The following LRRC31 variants were observed in gnomAD, a reference collection of about 807,000 sequenced individuals.
LRRC31 encodes the protein leucine rich repeat containing 31.
A neutral mutation model predicts 46.7 loss-of-function variants in LRRC31; 35 were observed. That is an observed-to-expected ratio of 0.75 (90% confidence interval 0.57 to 0.99). The LOEUF is 0.99. Among genes scored for constraint, LRRC31 ranks in the 50% least tolerant of loss-of-function variants. The pLI is 0.00. For missense variants in LRRC31, 613 were observed against 626.1 expected, an observed-to-expected ratio of 0.98 and a Z score of 0.22; for synonymous variants, 236 against 235.1, an observed-to-expected ratio of 1.00 and a Z score of -0.03.
At chr3:169,849,016 T>G (rs1780682949) in intron 7 of LRRC31, among the ~76,000 whole-genome samples, 1 of 152,252 alleles carries the variant, frequency 6.6e-6, no homozygotes, top group South Asian at 2.1e-4. Context: ...TTGTATTTAC[T>G]TCACGCAATT....
chr3:169,848,392 G>C, intron 7 of LRRC31, 105 bp from the exon 8 acceptor site: 4 of 998,932 alleles, frequency 4.0e-6, no homozygotes, highest in Non-Finnish European at 4.3e-6. Context: ...ATATAACTGG[G>C]GTTGAGAAAG....
chr3:169,860,122 C>A (rs1449575147), intron 3 of LRRC31, among the ~76,000 whole-genome samples: 1 of 151,600 alleles, frequency 6.6e-6, no homozygotes, highest in Non-Finnish European at 1.5e-5. Flanking sequence ...CCAGCCTGGG[C>A]AACAGAGTGA....
intron 7 of LRRC31, among the ~76,000 whole-genome samples, chr3:169,848,560 G>T (rs964052157): frequency 6.6e-6 from 1 of 152,136 alleles, no homozygotes; most frequent in African/African-American, 2.4e-5. Context: ...GGGTTCAAGT[G>T]ATTCCCCTGC....
chr3:169,856,768 T>A lies in LRRC31; in HGVS notation c.592A>T (p.Ser198Cys). Reference sequence around the variant, plus strand: ...ACAAGCTCAATCATTTGTATCTTGCTCCCTTTTTGGAACTTCTGAAGGATC... The same window carrying A: ...ACAAGCTCAATCATTTGTATCTTGCACCCTTTTTGGAACTTCTGAAGGATC... ...PLILQKFQKG[S>C]KIQMIELVDC... Residue 198 changes from serine to cysteine, a missense_variant, in exon 4 of 9, where the codon AGC (serine) becomes TGC (cysteine). Ser to Cys is a moderately radical substitution (Grantham distance 112). Transcript: ENST00000316428. The A allele has an allele frequency of 1.9e-6, 3 of 1,609,978 alleles. No individual in the cohort carries two copies. The highest frequency in any genetic ancestry group is 2.2e-5 in the South Asian group (2 of 90,122).
intron 1 of LRRC31, among the ~76,000 whole-genome samples, chr3:169,862,453 T>A (rs1377539419): frequency 1.3e-5 from 2 of 152,174 alleles, no homozygotes; most frequent in Non-Finnish European, 2.9e-5. Flanking sequence ...TAGCTTCCTC[T>A]GTAATAACAC....
chr3:169,861,325 C>T (rs1781145501), intron 2 of LRRC31, among the ~76,000 whole-genome samples: 1 of 151,366 alleles, frequency 6.6e-6, no homozygotes, highest in Non-Finnish European at 1.5e-5. Context: ...CCTCGGCCTC[C>T]CAAAGTGCTG....
chr3:169,841,232 C>T (rs963489789), intron 8 of LRRC31, among the ~76,000 whole-genome samples: 1 of 152,226 alleles, frequency 6.6e-6, no homozygotes, highest in Admixed American at 6.5e-5. Context: ...GTGTCTTTCA[C>T]CCAGTGCCCC....
At chr3:169,850,157 T>A (rs1005085315) in intron 7 of LRRC31, among the ~76,000 whole-genome samples, 5 of 152,202 alleles carry the variant, frequency 3.3e-5, no homozygotes, top group African/African-American at 4.8e-5. Context: ...AATAAATGCA[T>A]TAAATTCATA....
chr3:169,857,445 CAACCTGA>C (rs1182853842), intron 3 of LRRC31, among the ~76,000 whole-genome samples: 1 of 91,668 alleles, frequency 1.1e-5, no homozygotes, highest in Admixed American at 1.2e-4. Context: ...ATATCACATG[CAACCTGA>C]ACTGACCACT....
intron 1 of LRRC31, among the ~76,000 whole-genome samples, chr3:169,863,669 A>G (rs983313725): frequency 2.0e-5 from 3 of 152,238 alleles, no homozygotes; most frequent in Admixed American, 2.0e-4. Context: ...CACATTGGAC[A>G]CAAGGCATTT....
At chr3:169,852,932 T>C (rs528845823) in intron 6 of LRRC31, among the ~76,000 whole-genome samples, 5 of 152,250 alleles carry the variant, frequency 3.3e-5, no homozygotes, top group African/African-American at 1.2e-4. Context: ...ACTCCCAGAA[T>C]GGGAATCAGT....
chr3:169,867,695 C>T (rs1781373962), intron 1 of LRRC31, among the ~76,000 whole-genome samples: 1 of 152,150 alleles, frequency 6.6e-6, no homozygotes, highest in African/African-American at 2.4e-5. Context: ...AAGTAGGTGA[C>T]TATGGGGATT....
chr3:169,839,517 A>G lies in LRRC31; in HGVS notation c.*465T>C, dbSNP rs1780382031. On this transcript the variant is annotated 3_prime_UTR_variant, in exon 9 of 9. Coordinates refer to ENST00000316428, the MANE Select transcript of LRRC31 (RefSeq NM_024727.4). ...CTATTAGACAGCTAGTGCCTTTCAC[A>G]TTAGAATTACACACACACACACATA... 1 of 152,040 alleles carries G rather than the reference A, an allele frequency of 6.6e-6. No homozygotes were observed. Among genetic ancestry groups the G allele is most frequent in the African/African-American group, 2.4e-5 (1 of 41,446 alleles). 9.4% of individuals were successfully genotyped at this position (152,040 alleles called of 1,614,324 possible).
chr3:169,864,106 G>A (rs921736180), intron 1 of LRRC31, among the ~76,000 whole-genome samples: 2 of 150,828 alleles, frequency 1.3e-5, no homozygotes, highest in African/African-American at 4.9e-5. Context: ...TTTTTATCTC[G>A]ACCTACAATC....
Position 169,861,790 on chromosome 3 carries a change from C to T in LRRC31, c.199G>A (p.Glu67Lys). Residue 67 changes from glutamate to lysine, a missense_variant, in exon 2 of 9, where the codon GAA becomes AAA. Physicochemically the swap from Glu to Lys is moderately conservative, Grantham distance 56. Transcript: ENST00000316428. Reference protein sequence around the residue: ...ETAKPLSSEMEWRSSMEKNEH... With the variant: ...ETAKPLSSEMKWRSSMEKNEH... ...TTTTTCTCCATACTGGATCTCCATT[C>T]CATTTCTGAACTGAGAGGCTTAGCT... 6.2e-7 allele frequency: 1 copy of T among 1,614,036 alleles called. No individual in the cohort carries two copies. The highest frequency in any genetic ancestry group is 8.5e-7 in the Non-Finnish European group (1 of 1,179,996).
chr3:169,840,190 A>G lies in LRRC31; in HGVS notation c.1451T>C (p.Ile484Thr). Reference protein sequence around the residue: ...CQNVRFLKELIELDISLRPSN... With the variant: ...CQNVRFLKELTELDISLRPSN... ...TGGTCGAAGGCTAATATCCAGCTCGATTAGCTCTTTGAGGAACCGCACGTT... is the reference window on the plus strand; with the variant it reads ...TGGTCGAAGGCTAATATCCAGCTCGGTTAGCTCTTTGAGGAACCGCACGTT... The change falls in exon 9 of 9, where the codon ATC becomes ACC. Residue 484 changes from isoleucine to threonine, a missense_variant. By Grantham distance (89) the Ile-to-Thr change is moderately conservative (BLOSUM62 -1). Coordinates refer to ENST00000316428, the MANE Select transcript of LRRC31 (RefSeq NM_024727.4). 6.2e-7 allele frequency: 1 copy of G among 1,614,150 alleles called. No individual in the cohort carries two copies. Among genetic ancestry groups the G allele is most frequent in the South Asian group, 1.1e-5 (1 of 91,088 alleles).
chr3:169,840,446 G>T (rs1780413636), intron 8 of LRRC31, 133 bp from the exon 9 acceptor site: 2 of 942,036 alleles, frequency 2.1e-6, no homozygotes, highest in African/African-American at 3.3e-5. Context: ...GTTATTAGCA[G>T]CTTTATTCAG....
In LRRC31 at chr3:169,860,558, T is replaced by C. The variant is rs914379256; in HGVS notation, c.487+3A>G. The C allele has an allele frequency of 1.9e-6, 3 of 1,613,898 alleles. No homozygotes were observed. Among genetic ancestry groups the C allele is most frequent in the Non-Finnish European group, 2.5e-6 (3 of 1,179,940 alleles). On this transcript the variant is annotated splice_donor_region_variant and intron_variant, in intron 3 of 8. Transcript: ENST00000316428. ...CATCTTTTAAGAAATGCATTCATCA[T>C]ACCCAGTGCTTGAACATCGTCAGTG... is the stretch of plus-strand genomic sequence containing the variant.
intron 3 of LRRC31, 42 bp downstream of exon 3, chr3:169,860,519 C>T (rs190564659): frequency 1.6e-4 from 250 of 1,606,546 alleles, no homozygotes; most frequent in Non-Finnish European, 2.0e-4. Context: ...TGAGCCACGG[C>T]GCCCGGCCGA....
Sources: gnomAD v4.1 joint callset for allele counts (sites outside exome capture counted in the v4.1 genomes callset) on GRCh38, gnomAD v4.1.1 for gene constraint, MANE v1.5 for transcripts, NCBI Gene and HGNC (gene_info 2026-07-23, HGNC 2026-07-21) for gene names.